Variants in PDE4D observed in about 807,000 individuals in gnomAD.
PDE4D encodes phosphodiesterase 4D, also known as 3',5'-cyclic-AMP phosphodiesterase 4D.
PDE4D carries 24 observed loss-of-function variants against 87.4 expected under a neutral mutation model. The ratio of observed to expected loss-of-function variants is 0.27; its 90% confidence interval spans 0.20 to 0.39. The LOEUF is 0.39. PDE4D is among the 10% of genes least tolerant of loss of function. PDE4D has a pLI of 1.00. For missense variants in PDE4D, 714 were observed against 1,041.0 expected (o/e 0.69, Z 4.32); for synonymous variants, 384 against 383.2 (o/e 1.00, Z -0.02).
intron 2 of PDE4D, among the ~76,000 whole-genome samples, chr5:60,059,618 G>T (rs1428463366): frequency 1.3e-5 from 2 of 151,900 alleles, no homozygotes; most frequent in Non-Finnish European, 2.9e-5. Flanking sequence ...GAGAGAAATT[G>T]CCTTTCCAGA....
At chr5:59,703,262 A>T (rs1752876230) in intron 1 of PDE4D, among the ~76,000 whole-genome samples, 1 of 152,238 alleles carries the variant, frequency 6.6e-6, no homozygotes, top group Admixed American at 6.5e-5. Flanking sequence ...TCTATTTCAC[A>T]TCACATTTTA....
At chr5:60,514,104 TA>T (rs1434147488) in intron 1 of PDE4D, among the ~76,000 whole-genome samples, 1 of 151,686 alleles carries the variant, frequency 6.6e-6, no homozygotes, top group African/African-American at 2.4e-5. Context: ...GACTGACTGA[TA>T]AAGGAGGAAA....
chr5:59,814,688 A>G (rs932443578), intron 1 of PDE4D, among the ~76,000 whole-genome samples: 2 of 152,140 alleles, frequency 1.3e-5, no homozygotes, highest in African/African-American at 2.4e-5. Context: ...TCTCGCCACA[A>G]AAGGGGGTTT....
chr5:59,016,954 G>A (rs990140248), intron 6 of PDE4D, among the ~76,000 whole-genome samples: 43 of 152,232 alleles, frequency 2.8e-4, no homozygotes, highest in African/African-American at 8.2e-4. Context: ...GGGTAACATC[G>A]TACATTGATG....
chr5:59,692,390 T>C (rs79566373), intron 1 of PDE4D, among the ~76,000 whole-genome samples: 691 of 124,444 alleles, frequency 5.6e-3, no homozygotes, highest in South Asian at 8.1e-3. Context: ...AGAAGAACTC[T>C]TAAGTTATGG....
At chr5:60,416,792 T>C (rs779863259) in intron 1 of PDE4D, among the ~76,000 whole-genome samples, 11 of 152,212 alleles carry the variant, frequency 7.2e-5, no homozygotes, top group African/African-American at 2.4e-4. Context: ...TAGAGGATAA[T>C]GAACTAGGTA....
chr5:59,007,832 A>AT (rs140736497), intron 6 of PDE4D, among the ~76,000 whole-genome samples: 24 of 151,626 alleles, frequency 1.6e-4, no homozygotes, highest in African/African-American at 4.3e-4. Flanking sequence ...TCTTATTTTA[A>AT]TTTTTTTTTA....
At chr5:59,749,539 C>G (rs548796645) in intron 1 of PDE4D, among the ~76,000 whole-genome samples, 3 of 152,290 alleles carry the variant, frequency 2.0e-5, no homozygotes, top group African/African-American at 7.2e-5. Context: ...CCGTGAGCCA[C>G]CATGCCCAGC....
intron 2 of PDE4D, among the ~76,000 whole-genome samples, chr5:60,061,793 T>C (rs1429961324): frequency 1.3e-5 from 2 of 151,714 alleles, no homozygotes; most frequent in Non-Finnish European, 2.9e-5. Flanking sequence ...TTCAACAAAC[T>C]TGACAAAAAC....
intron 1 of PDE4D, among the ~76,000 whole-genome samples, chr5:60,257,456 A>C (rs890956024): frequency 2.0e-5 from 3 of 152,112 alleles, no homozygotes; most frequent in Non-Finnish European, 4.4e-5. Context: ...CAAAAAAAGT[A>C]TTAAAAATAA....
intron 1 of PDE4D, among the ~76,000 whole-genome samples, chr5:59,886,922 GA>G (rs34893959): frequency 1.1e-3 from 162 of 144,266 alleles, no homozygotes; most frequent in South Asian, 1.3e-3. Flanking sequence ...AGCCTGGGGT[GA>G]AAAAAAAAAA....
chr5:59,594,446 CAGTAGCT>C (rs1826378006), intron 1 of PDE4D, among the ~76,000 whole-genome samples: 2 of 151,860 alleles, frequency 1.3e-5, no homozygotes, highest in East Asian at 3.9e-4. Flanking sequence ...TCAGCCTCCC[CAGTAGCT>C]AGGATTAGAG....
At chr5:59,138,445 A>G (rs1387079474) in intron 5 of PDE4D, among the ~76,000 whole-genome samples, 3 of 152,084 alleles carry the variant, frequency 2.0e-5, no homozygotes, top group Non-Finnish European at 4.4e-5. Flanking sequence ...ATGCCACCAC[A>G]CCTGGCTATT....
chr5:59,651,555 A>G (rs1743507754), intron 1 of PDE4D, among the ~76,000 whole-genome samples: 1 of 152,054 alleles, frequency 6.6e-6, no homozygotes. Context: ...GGGTCATTCA[A>G]TATATGAAAC....
chr5:59,464,347 G>A (rs1433085138), intron 1 of PDE4D, among the ~76,000 whole-genome samples: 1 of 152,236 alleles, frequency 6.6e-6, no homozygotes, highest in Non-Finnish European at 1.5e-5. Flanking sequence ...TCCATCTACT[G>A]AGATAGGGAA....
chr5:59,275,239 T>C lies in PDE4D; in HGVS notation c.456-59271A>G. 3.1e-6 allele frequency: 3 copies of C among 978,456 alleles called. No homozygotes were observed. In the South Asian group the frequency reaches 4.6e-5, roughly 15 times the overall value. 60.6% of individuals were successfully genotyped at this position (978,456 alleles called of 1,614,324 possible). A position where few individuals can be genotyped will look rare whatever the true frequency, so the allele number is the denominator to read the frequency against. On this transcript the variant is annotated intron_variant, in intron 1 of 14. Coordinates refer to ENST00000340635, the MANE Select transcript of PDE4D (RefSeq NM_001104631.2). Reference sequence around the variant, plus strand: ...TAAAAGAGCCGCCAATACTGCCTTCTTTCACAAAGCCTCGACATCACACAA... The same window carrying C: ...TAAAAGAGCCGCCAATACTGCCTTCCTTCACAAAGCCTCGACATCACACAA...
chr5:59,483,860 T>C (rs1582814495), intron 1 of PDE4D, among the ~76,000 whole-genome samples: 1 of 152,204 alleles, frequency 6.6e-6, no homozygotes, highest in Admixed American at 6.5e-5. Flanking sequence ...GAGTGTTACA[T>C]TTCCAGAAAG....
intron 1 of PDE4D, among the ~76,000 whole-genome samples, chr5:59,600,185 A>G (rs749956984): frequency 8.5e-5 from 13 of 152,228 alleles, no homozygotes; most frequent in Admixed American, 3.3e-4. Context: ...CAAATGGCTG[A>G]AGGCCAGGTC....
At chr5:59,897,796 C>T (rs1178508692), upstream of PDE4D, among the ~76,000 whole-genome samples, 7 of 152,056 alleles carry the variant, frequency 4.6e-5, no homozygotes, top group South Asian at 2.1e-4. Context: ...AGCTTAAAAT[C>T]GGAAATTTTC....
Sources: allele counts gnomAD v4.1 joint callset (sites outside exome capture counted in the v4.1 genomes callset), GRCh38; gene constraint gnomAD v4.1.1; transcripts MANE v1.5; gene names NCBI Gene and HGNC (gene_info 2026-07-23, HGNC 2026-07-21).